NRXN1: variants seen among roughly 807,000 people sequenced by gnomAD.
NRXN1 encodes neurexin-1.
In NRXN1, 39 loss-of-function variants were observed where a neutral mutation model predicts 150.9. The ratio of observed to expected loss-of-function variants is 0.26; its 90% confidence interval spans 0.20 to 0.34. The LOEUF (loss-of-function observed/expected upper bound fraction) is 0.34, where lower values mean the gene tolerates loss of function less well. Ranked by LOEUF, NRXN1 falls within the 10% of genes least tolerant of loss-of-function variation. NRXN1 has a pLI of 1.00. For synonymous variants in NRXN1, 924 were observed against 757.0 expected (o/e 1.22, Z -3.62); for missense variants, 1,815 against 1,949.9 (o/e 0.93, Z 1.30).
In NRXN1 at chr2:50,538,379, A is replaced by C. The variant is rs1329495463; in HGVS notation, c.2017T>G (p.Ser673Ala). 4 of 1,613,910 alleles carry C rather than the reference A, an allele frequency of 2.5e-6. No homozygotes were observed. In the South Asian group the frequency reaches 4.4e-5, roughly 18 times the overall value. The change falls in exon 10 of 23, where the codon TCA (serine) becomes GCA (alanine). Residue 673 changes from serine to alanine, a missense_variant. Around this residue, in one of 6 missense-constraint regions of NRXN1, gnomAD observed 638 missense variants for 652.6 expected, o/e 0.98. Coordinates refer to ENST00000401669, the MANE Select transcript of NRXN1 (RefSeq NM_001330078.2). ...AGGCACGGTTTTGCTGTTTCCTTTG[A>C]GCAGGAAGGCTTCACTCCAGCAGTA... ...QSTAGVKPSC[S>A]KETAKPCLSN...
Position 50,855,124 on chromosome 2 carries a change from TG to T in NRXN1, c.832+66744del, listed in dbSNP as rs574561938. Among the ~76,000 whole-genome samples the T allele has an allele frequency of 4.9e-3, 738 of 151,920 alleles. 5 individuals carry two copies. Among genetic ancestry groups the T allele is most frequent in the African/African-American group, 0.017 (704 of 41,480 alleles). ...TGTTAAGAGGAAGAACGTGGTGCAG[TG>T]GGGTGGAGTGTGGGAGGTGGTTCAA... On this transcript the variant is annotated intron_variant, in intron 5 of 22. Coordinates refer to ENST00000401669, the MANE Select transcript of NRXN1 (RefSeq NM_001330078.2).
rs560152572 is a variant in NRXN1, at chr2:50,438,034, C to T, written c.3364+27408G>A. 3.3e-5 allele frequency among the ~76,000 whole-genome samples: 5 copies of T among 152,270 alleles called. No individual in the cohort carries two copies. In the South Asian group the frequency reaches 1.0e-3, roughly 32 times the overall value. On this transcript the variant is annotated intron_variant, in intron 17 of 22. Transcript: ENST00000401669. ...TCACTGTGGCATGTTCTAAGTTCTA[C>T]AGCCAGAAACACCAAAAATAAATTT...
chr2:50,000,190 G>C (rs951736074), intron 21 of NRXN1, among the ~76,000 whole-genome samples: 3 of 152,128 alleles, frequency 2.0e-5, no homozygotes, highest in African/African-American at 7.2e-5. Flanking sequence ...AACAGTCAAG[G>C]CTAAAGCAGG....
intron 8 of NRXN1, among the ~76,000 whole-genome samples, chr2:50,564,015 G>A (rs1302841997): frequency 6.6e-6 from 1 of 152,146 alleles, no homozygotes; most frequent in East Asian, 1.9e-4. Context: ...CTGAGAAGTT[G>A]TATAAGTTTG....
intron 2 of NRXN1, among the ~76,000 whole-genome samples, chr2:50,962,569 G>A (rs1438978150): frequency 1.3e-5 from 2 of 151,456 alleles, no homozygotes; most frequent in African/African-American, 2.4e-5. Flanking sequence ...AAGTAACTAT[G>A]TTCAAGGCCC....
intron 2 of NRXN1, among the ~76,000 whole-genome samples, chr2:50,972,825 C>T (rs868852434): frequency 2.6e-5 from 4 of 152,128 alleles, no homozygotes; most frequent in Non-Finnish European, 4.4e-5. Flanking sequence ...CAATGGGGAG[C>T]GGCTGTAAAT....
At chr2:50,324,014 T>TAA (rs2076219165) in intron 17 of NRXN1, among the ~76,000 whole-genome samples, 1 of 152,162 alleles carries the variant, frequency 6.6e-6, no homozygotes, top group South Asian at 2.1e-4. Flanking sequence ...GAAAACTACG[T>TAA]AAACATATAA....
intron 8 of NRXN1, among the ~76,000 whole-genome samples, chr2:50,563,097 CTT>C (rs1669350725): frequency 6.6e-6 from 1 of 152,078 alleles, no homozygotes; most frequent in Non-Finnish European, 1.5e-5. Flanking sequence ...ATGACCATAA[CTT>C]ATAAATTTTT....
At chr2:50,575,091 A>G (rs567639112) in intron 8 of NRXN1, among the ~76,000 whole-genome samples, 1 of 152,286 alleles carries the variant, frequency 6.6e-6, no homozygotes, top group Admixed American at 6.5e-5. Flanking sequence ...TTTAAAGATA[A>G]TTTCTAAAGT....
chr2:50,839,650 C>T (rs184446499), intron 5 of NRXN1, among the ~76,000 whole-genome samples: 37 of 152,158 alleles, frequency 2.4e-4, no homozygotes, highest in African/African-American at 8.9e-4. Flanking sequence ...ATCAATTCAA[C>T]AAGTATCTAT....
intron 5 of NRXN1, among the ~76,000 whole-genome samples, chr2:50,664,432 TG>T (rs2104669366): frequency 6.9e-6 from 1 of 144,796 alleles, no homozygotes; most frequent in South Asian, 2.2e-4. Flanking sequence ...TGTGTGTGTG[TG>T]TGTGTGGCGT....
At chr2:50,078,911 T>C (rs6545150) in intron 19 of NRXN1, among the ~76,000 whole-genome samples, 139,975 of 152,160 alleles carry the variant, frequency 0.92, 64,575 homozygotes, top group East Asian at 1. Context: ...AATTACTAAT[T>C]TCTACTGAAA....
At chr2:49,973,583 TGA>T (rs1052779644) in intron 21 of NRXN1, among the ~76,000 whole-genome samples, 42 of 152,026 alleles carry the variant, frequency 2.8e-4, no homozygotes, top group Admixed American at 9.2e-4. Context: ...TGCTTTTACT[TGA>T]ACTAAGTTAA....
chr2:50,257,512 G>A (rs1035041489), intron 17 of NRXN1, among the ~76,000 whole-genome samples: 21 of 151,916 alleles, frequency 1.4e-4, no homozygotes, highest in African/African-American at 4.6e-4. Flanking sequence ...CCAGATTTAC[G>A]GCTTGAAAAT....
Position 50,497,631 on chromosome 2 carries a change from C to G in NRXN1, c.2581G>C (p.Val861Leu). ...AGGTGTCCAATGAAGTTGGAGGGGA[C>G]AGAAGAAAGATACCGTCGTTCTGTG... ...IITERRYLSS[V>L]PSNFIGHLQS... The change falls in exon 14 of 23, where the codon GTC becomes CTC. Residue 861 changes from valine to leucine, a missense_variant. Transcript: ENST00000401669. The G allele has an allele frequency of 1.2e-6, 2 of 1,613,840 alleles. No individual in the cohort carries two copies. The highest frequency in any genetic ancestry group is 1.7e-6 in the Non-Finnish European group (2 of 1,179,836).
chr2:50,252,766 T>C (rs1430166577), intron 17 of NRXN1, among the ~76,000 whole-genome samples: 2 of 152,134 alleles, frequency 1.3e-5, no homozygotes, highest in Non-Finnish European at 2.9e-5. Flanking sequence ...TCTAAACTGT[T>C]CCATTAGTCT....
At chr2:50,238,685 A>G (rs1173214775) in intron 17 of NRXN1, among the ~76,000 whole-genome samples, 2 of 151,986 alleles carry the variant, frequency 1.3e-5, no homozygotes, top group African/African-American at 2.4e-5. Context: ...ACAGCTGACA[A>G]TATTGATTTT....
intron 5 of NRXN1, among the ~76,000 whole-genome samples, chr2:50,674,074 G>A (rs1446698095): frequency 6.6e-6 from 1 of 151,952 alleles, no homozygotes; most frequent in Non-Finnish European, 1.5e-5. Context: ...TTCTGCACAT[G>A]TACCCCAGAA....
intron 5 of NRXN1, among the ~76,000 whole-genome samples, chr2:50,718,703 G>C (rs940769342): frequency 6.6e-5 from 10 of 152,110 alleles, no homozygotes; most frequent in African/African-American, 2.4e-4. Flanking sequence ...CCCTTTGTAT[G>C]TGTATAAAGA....
Sources: gnomAD v4.1 joint callset for allele counts (sites outside exome capture counted in the v4.1 genomes callset) on GRCh38, gnomAD v4.1.1 for gene constraint, gnomAD v4.1.1 regional missense constraint, MANE v1.5 for transcripts, NCBI Gene and HGNC (gene_info 2026-07-23, HGNC 2026-07-21) for gene names.